The following TIMM8A variants were observed in gnomAD, a reference collection of about 807,000 sequenced individuals.
TIMM8A encodes the protein mitochondrial import inner membrane translocase subunit Tim8 A.
Under a neutral mutation model 6.8 loss-of-function variants are expected in TIMM8A, and 2 were observed. The observed-to-expected ratio is 0.30, with a 90% CI of 0.12 to 0.93. The LOEUF (loss-of-function observed/expected upper bound fraction) is 0.93. Ranked by LOEUF, TIMM8A falls within the 40% of genes least tolerant of loss-of-function variation. The pLI, the probability that TIMM8A is intolerant of heterozygous loss-of-function variation, is 0.55. For missense variants in TIMM8A, 34 were observed against 75.2 expected, an observed-to-expected ratio of 0.45 and a Z score of 2.02; for synonymous variants, 26 against 28.5, an observed-to-expected ratio of 0.91 and a Z score of 0.28.
Position 101,348,669 on chromosome X carries a change from G to A in TIMM8A, c.-5C>T. On this transcript the variant is annotated 5_prime_UTR_variant, in exon 1 of 2. Transcript: ENST00000372902. The stretch of plus-strand genomic sequence containing the variant: ...GGAAGAGGAGGAGGAATCCATCCCA[G>A]GGCGACCAAGCTTGCAGAGACGAAC... 1 of 1,210,699 alleles carries A rather than the reference G, an allele frequency of 8.3e-7. No homozygotes were observed.
chrX:101,348,211 C>G, intron 1 of TIMM8A: 1 of 1,106,099 alleles, frequency 9.0e-7, no homozygotes, highest in Non-Finnish European at 1.2e-6. Context: ...AATCCCAGTA[C>G]TGGGGGCTCC....
chrX:101,346,655 C>G lies in TIMM8A; in HGVS notation c.138G>C (p.Lys46Asn). 8.3e-7 allele frequency: 1 copy of G among 1,210,055 alleles called. No homozygotes were observed. Among genetic ancestry groups the G allele is most frequent in the Middle Eastern group, 2.3e-4 (1 of 4,353 alleles). The change falls in exon 2 of 2, where the codon AAG (lysine) becomes AAC (asparagine). Residue 46 changes from lysine (K) to asparagine (N), a missense_variant. Transcript: ENST00000372902. Reference protein sequence around the residue: ...VHQMTELCWEKCMDKPGPKLD... With the variant: ...VHQMTELCWENCMDKPGPKLD... Reference sequence around the variant, plus strand: ...ACTTTGGCCCAGGCTTGTCCATGCACTTCTCCTGCTCAGGACAAGATACAG... The same window carrying G: ...ACTTTGGCCCAGGCTTGTCCATGCAGTTCTCCTGCTCAGGACAAGATACAG...
rs1450554035 is a variant in TIMM8A, at chrX:101,345,964, T to A, written c.*535A>T. 1 of 742,913 alleles carries A rather than the reference T, an allele frequency of 1.3e-6. No individual in the cohort carries two copies. The highest frequency in any genetic ancestry group is 9.4e-5 in the Admixed American group (1 of 10,641). 61.2% of individuals were successfully genotyped at this position (742,913 alleles called of 1,213,427 possible). A position where few individuals can be genotyped will look rare whatever the true frequency, so the allele number is the denominator to read the frequency against. On this transcript the variant is annotated 3_prime_UTR_variant, in exon 2 of 2. Coordinates refer to ENST00000372902, the MANE Select transcript of TIMM8A (RefSeq NM_004085.4). ...CCTTGAGACTTACTTAATATGGATA[T>A]TTAAGCAAATCATCATATAGGAAAG... is the stretch of plus-strand genomic sequence containing the variant.
Position 101,346,151 on chromosome X carries a change from C to T in TIMM8A, c.*348G>A. On this transcript the variant is annotated 3_prime_UTR_variant, in exon 2 of 2. Coordinates refer to ENST00000372902, the MANE Select transcript of TIMM8A (RefSeq NM_004085.4). The stretch of plus-strand genomic sequence containing the variant: ...TCCCCTGAAATCAGAAATGACTCCA[C>T]ACAAATGAGAGATTTTTACGTATGT... The T allele has an allele frequency of 2.3e-6, 2 of 872,937 alleles. No individual in the cohort carries two copies. Among genetic ancestry groups the T allele is most frequent in the Admixed American group, 1.2e-4 (2 of 17,082 alleles). The allele number at this position is 872,937 out of a possible 1,213,427, so 71.9% of individuals were successfully genotyped here. A position where few individuals can be genotyped will look rare whatever the true frequency, so the allele number is the denominator to read the frequency against.
rs1326405745 is a variant in TIMM8A, at chrX:101,346,371, G to A, written c.*128C>T. 2 of 1,195,585 alleles carry A rather than the reference G, an allele frequency of 1.7e-6. No individual in the cohort carries two copies. Among genetic ancestry groups the A allele is most frequent in the African/African-American group, 3.5e-5 (2 of 56,881 alleles). On this transcript the variant is annotated 3_prime_UTR_variant, in exon 2 of 2. Coordinates refer to ENST00000372902, the MANE Select transcript of TIMM8A (RefSeq NM_004085.4). Reference sequence around the variant, plus strand: ...AAAAATTGGTCTTTGTTCATTCTCAGATGACAGGATGTCCCAAGAGTAACA... The same window carrying A: ...AAAAATTGGTCTTTGTTCATTCTCAAATGACAGGATGTCCCAAGAGTAACA...
intron 1 of TIMM8A, chrX:101,348,125 G>C (rs371725882): frequency 1.9e-6 from 2 of 1,063,145 alleles, no homozygotes; most frequent in South Asian, 2.5e-5. Flanking sequence ...GGGTAATGAA[G>C]GTAAATCCCG....
Position 101,345,724 on chromosome X carries a change from C to T in TIMM8A, c.*775G>A, listed in dbSNP as rs1388990239. ...ATGCAGTAAATGGAATCTACACTAACTAACATTAGGCATGCACCTCTACCT... is the reference window on the plus strand; with the variant it reads ...ATGCAGTAAATGGAATCTACACTAATTAACATTAGGCATGCACCTCTACCT... On this transcript the variant is annotated 3_prime_UTR_variant, in exon 2 of 2. Coordinates refer to ENST00000372902, the MANE Select transcript of TIMM8A (RefSeq NM_004085.4). 2.3e-5 allele frequency: 17 copies of T among 750,849 alleles called. No individual in the cohort carries two copies. Among genetic ancestry groups the T allele is most frequent in the Non-Finnish European group, 2.0e-5 (13 of 637,308 alleles). 61.9% of individuals were successfully genotyped at this position (750,849 alleles called of 1,213,427 possible). A position where few individuals can be genotyped will look rare whatever the true frequency, so the allele number is the denominator to read the frequency against.
Position 101,346,594 on chromosome X carries a change from C to T in TIMM8A, c.199G>A (p.Val67Ile), listed in dbSNP as rs1054895. The T allele has an allele frequency of 5.8e-6, 7 of 1,210,333 alleles. No individual in the cohort carries two copies. The highest frequency in any genetic ancestry group is 4.4e-5 in the Admixed American group (2 of 45,735). The change falls in exon 2 of 2, where the codon GTT becomes ATT. Residue 67 changes from valine (V) to isoleucine (I), a missense_variant. Transcript: ENST00000372902. ...SRAEACFVNC[V>I]ERFIDTSQFI... ...TGGCTTGTATCAATGAAGCGCTCAA[C>T]GCAGTTCACAAAACAGGCCTCAGCC...
chrX:101,346,196 T>C lies in TIMM8A; in HGVS notation c.*303A>G. 2 of 905,415 alleles carry C rather than the reference T, an allele frequency of 2.2e-6. No homozygotes were observed. The highest frequency in any genetic ancestry group is 2.7e-6 in the Non-Finnish European group (2 of 734,042). 74.6% of individuals were successfully genotyped at this position (905,415 alleles called of 1,213,427 possible). A position where few individuals can be genotyped will look rare whatever the true frequency, so the allele number is the denominator to read the frequency against. On this transcript the variant is annotated 3_prime_UTR_variant, in exon 2 of 2. Transcript: ENST00000372902. ...GTATGTGGTCCCACTATCAAAATTA[T>C]AGGAAGCAGTTAATGGGGCTTTGAG...
rs1161439659 is a variant in TIMM8A, at chrX:101,348,064, T to C, written c.132+469A>G. On this transcript the variant is annotated intron_variant, in intron 1 of 1. Transcript: ENST00000372902. ...ACGTTGGAAGAGATTACACCACTTT[T>C]ATAGTTACTGGGCTGGAGCCACTCA... The C allele has an allele frequency of 3.1e-6, 3 of 971,832 alleles. No homozygotes were observed. The African/African-American group carries it at 5.9e-5, about 19-fold the overall frequency. 80.1% of individuals were successfully genotyped at this position (971,832 alleles called of 1,213,427 possible).
rs1406285231 is a variant in TIMM8A at position 101,346,030 on chromosome X, A to T, written c.*469T>A. 6.2e-6 allele frequency: 5 copies of T among 805,358 alleles called. No individual in the cohort carries two copies. In the African/African-American group the frequency reaches 1.2e-4, roughly 19 times the overall value. The allele number at this position is 805,358 out of a possible 1,213,427, so 66.4% of individuals were successfully genotyped here. A position where few individuals can be genotyped will look rare whatever the true frequency, so the allele number is the denominator to read the frequency against. The stretch of plus-strand genomic sequence containing the variant: ...TGAAGTGTACTGTATAAACACTCTT[A>T]CAGATATTTTTCTCCAGCATTGACA... On this transcript the variant is annotated 3_prime_UTR_variant, in exon 2 of 2. Coordinates refer to ENST00000372902, the MANE Select transcript of TIMM8A (RefSeq NM_004085.4).
chrX:101,348,661 C>T lies in TIMM8A; in HGVS notation c.4G>A (p.Asp2Asn). 1 of 1,211,384 alleles carries T rather than the reference C, an allele frequency of 8.3e-7. No homozygotes were observed. The change falls in exon 1 of 2, where the codon GAT becomes AAT. Residue 2 changes from aspartate to asparagine, a missense_variant. Transcript: ENST00000372902. ...GCCGCGGAGGAAGAGGAGGAGGAAT[C>T]CATCCCAGGGCGACCAAGCTTGCAG... MDSSSSSSAAGL... is the reference protein window; with the variant it reads MNSSSSSSAAGL...
rs953437975 is a variant in TIMM8A, at chrX:101,348,059, A to C, written c.132+474T>G. On this transcript the variant is annotated intron_variant, in intron 1 of 1. Transcript: ENST00000372902. ...TATGTACGTTGGAAGAGATTACACCACTTTTATAGTTACTGGGCTGGAGCC... is the reference window on the plus strand; with the variant it reads ...TATGTACGTTGGAAGAGATTACACCCCTTTTATAGTTACTGGGCTGGAGCC... 63 of 955,554 alleles carry C rather than the reference A, an allele frequency of 6.6e-5. No individual in the cohort carries two copies. In the African/African-American group the frequency reaches 1.0e-3, roughly 15 times the overall value. The allele number at this position is 955,554 out of a possible 1,213,427, so 78.7% of individuals were successfully genotyped here.
rs1926152879 is a variant in TIMM8A at position 101,348,690 on chromosome X, C to T, written c.-26G>A. On this transcript the variant is annotated 5_prime_UTR_variant, in exon 1 of 2. Transcript: ENST00000372902. ...CCCAGGGCGACCAAGCTTGCAGAGACGAACTCCGCACCGACCTTCACGTGT... is the reference window on the plus strand; with the variant it reads ...CCCAGGGCGACCAAGCTTGCAGAGATGAACTCCGCACCGACCTTCACGTGT... 4.1e-6 allele frequency: 5 copies of T among 1,208,082 alleles called. No individual in the cohort carries two copies. Among genetic ancestry groups the T allele is most frequent in the East Asian group, 3.0e-5 (1 of 33,716 alleles).
rs999635564 is a variant in TIMM8A, at chrX:101,347,942, C to T, written c.132+591G>A. ...CTGCAAATACCTTCCACCCTTTTGCCAAAGTCCCCTCACAGGGCAGGCTCA... is the reference window on the plus strand; with the variant it reads ...CTGCAAATACCTTCCACCCTTTTGCTAAAGTCCCCTCACAGGGCAGGCTCA... On this transcript the variant is annotated intron_variant, in intron 1 of 1. Transcript: ENST00000372902. The T allele has an allele frequency of 7.2e-6, 5 of 693,512 alleles. No individual in the cohort carries two copies. The South Asian group carries it at 2.7e-4, about 37-fold the overall frequency. 57.2% of individuals were successfully genotyped at this position (693,512 alleles called of 1,213,427 possible). A position where few individuals can be genotyped will look rare whatever the true frequency, so the allele number is the denominator to read the frequency against.
chrX:101,348,315 C>T, intron 1 of TIMM8A: 6 of 1,167,101 alleles, frequency 5.1e-6, no homozygotes, highest in Non-Finnish European at 5.7e-6. Flanking sequence ...GATACCCAGT[C>T]CTCTACACCA....
rs1213054792 is a variant in TIMM8A at position 101,348,180 on chromosome X, G to A, written c.132+353C>T. On this transcript the variant is annotated intron_variant, in intron 1 of 1. Coordinates refer to ENST00000372902, the MANE Select transcript of TIMM8A (RefSeq NM_004085.4). The stretch of plus-strand genomic sequence containing the variant: ...ATTCACTGATTCACTGACTCTCTGG[G>A]ACTCGGGCTGCCAAAAATAAAATCC... 4.8e-5 allele frequency: 52 copies of A among 1,087,240 alleles called. No individual in the cohort carries two copies. The East Asian group carries it at 1.6e-3, about 34-fold the overall frequency. The allele number at this position is 1,087,240 out of a possible 1,213,427, so 89.6% of individuals were successfully genotyped here.
Position 101,348,518 on chromosome X carries a change from C to G in TIMM8A, c.132+15G>C, listed in dbSNP as rs372087924. On this transcript the variant is annotated intron_variant, in intron 1 of 1. Coordinates refer to ENST00000372902, the MANE Select transcript of TIMM8A (RefSeq NM_004085.4). Reference sequence around the variant, plus strand: ...AGTAGGTACAGTGTTCAGGTCCCAGCCCCAGGCTCCTCACCCAACAAAGTT... The same window carrying G: ...AGTAGGTACAGTGTTCAGGTCCCAGGCCCAGGCTCCTCACCCAACAAAGTT... 8.3e-7 allele frequency: 1 copy of G among 1,204,312 alleles called. No individual in the cohort carries two copies. Among genetic ancestry groups the G allele is most frequent in the African/African-American group, 1.8e-5 (1 of 55,550 alleles).
intron 1 of TIMM8A, 43 bp downstream of exon 1, chrX:101,348,490 G>A (rs782549521): frequency 1.7e-6 from 2 of 1,205,709 alleles, no homozygotes; most frequent in Admixed American, 4.4e-5. Flanking sequence ...AGGACAGAGG[G>A]AAAGTAGGTA....
Sources: allele counts gnomAD v4.1 joint callset, GRCh38; gene constraint gnomAD v4.1.1; transcripts MANE v1.5; gene names NCBI Gene and HGNC (gene_info 2026-07-23, HGNC 2026-07-21).